Variants in OTUD7A observed in about 807,000 individuals in gnomAD.
OTUD7A encodes OTU domain-containing protein 7A.
In OTUD7A, 12 loss-of-function variants were observed where a neutral mutation model predicts 65.7. That is an observed-to-expected ratio of 0.18 (90% CI 0.12 to 0.30). OTUD7A has a LOEUF of 0.30. Among genes scored for constraint, OTUD7A ranks in the 10% least tolerant of loss-of-function variants. The pLI is 1.00. For synonymous variants in OTUD7A, 641 were observed against 586.3 expected (o/e 1.09, Z -1.35); for missense variants, 1,148 against 1,304.8 (o/e 0.88, Z 1.85).
chr15:31,757,318 G>A (rs1894842746), intron 1 of OTUD7A, among the ~76,000 whole-genome samples: 1 of 150,584 alleles, frequency 6.6e-6, no homozygotes. Flanking sequence ...TTCCTCATAG[G>A]GTTACTGCAG....
chr15:31,749,515 G>A (rs897600346), intron 1 of OTUD7A, among the ~76,000 whole-genome samples: 5 of 152,140 alleles, frequency 3.3e-5, no homozygotes, highest in African/African-American at 9.7e-5. Flanking sequence ...AAGGCTAATG[G>A]CAGTGTTATA....
At chr15:31,679,746 A>G (rs1375985309) in intron 1 of OTUD7A, among the ~76,000 whole-genome samples, 1 of 152,168 alleles carries the variant, frequency 6.6e-6, no homozygotes, top group African/African-American at 2.4e-5. Flanking sequence ...AAATTACCCA[A>G]TCTTGGGCAG....
At chr15:31,559,264 C>T (rs1435831912) in intron 4 of OTUD7A, 77 bp from the exon 5 acceptor site, 13 of 1,340,524 alleles carry the variant, frequency 9.7e-6, no homozygotes, top group African/African-American at 1.4e-5. Context: ...AACACACATA[C>T]TATGCACACA....
At chr15:31,726,332 C>T (rs1440865811) in intron 1 of OTUD7A, among the ~76,000 whole-genome samples, 4 of 57,426 alleles carry the variant, frequency 7.0e-5, no homozygotes, top group Non-Finnish European at 1.5e-4. Context: ...TCTCGAATTA[C>T]ACACACACAC....
At chr15:31,687,120 A>C (rs1045297612) in intron 1 of OTUD7A, among the ~76,000 whole-genome samples, 14 of 142,526 alleles carry the variant, frequency 9.8e-5, no homozygotes, top group Non-Finnish European at 1.9e-4. Flanking sequence ...AAAAAAAAAA[A>C]CCACACATAA....
At chr15:31,749,629 C>T (rs1257142933) in intron 1 of OTUD7A, among the ~76,000 whole-genome samples, 1 of 152,060 alleles carries the variant, frequency 6.6e-6, no homozygotes, top group Non-Finnish European at 1.5e-5. Flanking sequence ...GGAAGCATTC[C>T]CCTTAAAAAC....
At chr15:31,767,921 A>C (rs1269804628) in intron 1 of OTUD7A, 2 of 1,531,546 alleles carry the variant, frequency 1.3e-6, no homozygotes, top group African/African-American at 1.4e-5. Flanking sequence ...GTTATCATCA[A>C]CATTTTCTGA....
intron 3 of OTUD7A, among the ~76,000 whole-genome samples, chr15:31,654,384 A>C (rs1891926551): frequency 6.7e-6 from 1 of 149,970 alleles, no homozygotes; most frequent in African/African-American, 2.5e-5. Flanking sequence ...ATGTACAATA[A>C]TTCTTATTTT....
At chr15:31,865,183 T>C (rs1361801815) in intron 1 of OTUD7A, among the ~76,000 whole-genome samples, 1 of 152,228 alleles carries the variant, frequency 6.6e-6, no homozygotes, top group African/African-American at 2.4e-5. Flanking sequence ...ATTCATACAT[T>C]TTAAAAAGAA....
At chr15:31,797,956 G>C (rs1002275586) in intron 1 of OTUD7A, among the ~76,000 whole-genome samples, 1 of 152,106 alleles carries the variant, frequency 6.6e-6, no homozygotes, top group Admixed American at 6.5e-5. Context: ...CAGCAGGGTT[G>C]ATTTCTCCTG....
At chr15:31,550,538 G>A (rs117442551) in intron 5 of OTUD7A, among the ~76,000 whole-genome samples, 38 of 152,254 alleles carry the variant, frequency 2.5e-4, no homozygotes, top group Admixed American at 1.2e-3. Context: ...TCAGCTGCAA[G>A]GAACTAAATT....
chr15:31,638,926 A>C (rs1236393180), intron 3 of OTUD7A, among the ~76,000 whole-genome samples: 1 of 152,064 alleles, frequency 6.6e-6, no homozygotes, highest in Non-Finnish European at 1.5e-5. Context: ...TGAGGTCAGG[A>C]GATCGAGACC....
intron 1 of OTUD7A, among the ~76,000 whole-genome samples, chr15:31,798,376 C>T (rs904006462): frequency 2.6e-5 from 4 of 152,138 alleles, no homozygotes; most frequent in Non-Finnish European, 5.9e-5. Flanking sequence ...GTGGTGTGCT[C>T]CCGATGCCCC....
intron 1 of OTUD7A, among the ~76,000 whole-genome samples, chr15:31,697,582 A>C: frequency 6.6e-6 from 1 of 151,334 alleles, no homozygotes; most frequent in South Asian, 2.1e-4. Flanking sequence ...TCAGGAGGTG[A>C]AATTGAAAAG....
chr15:31,635,372 G>C (rs1350569647), intron 3 of OTUD7A, among the ~76,000 whole-genome samples: 4 of 152,212 alleles, frequency 2.6e-5, no homozygotes, highest in Non-Finnish European at 2.9e-5. Context: ...GAAACTTGTT[G>C]AAGATTGCAC....
intron 1 of OTUD7A, among the ~76,000 whole-genome samples, chr15:31,726,923 T>G (rs986076990): frequency 2.0e-5 from 3 of 152,244 alleles, no homozygotes; most frequent in Non-Finnish European, 4.4e-5. Flanking sequence ...TGCGGCCTGC[T>G]TCACTATGTC....
intron 1 of OTUD7A, among the ~76,000 whole-genome samples, chr15:31,709,807 TA>T (rs1373393653): frequency 2.6e-5 from 4 of 152,198 alleles, no homozygotes; most frequent in Non-Finnish European, 5.9e-5. Context: ...TATGCAAATA[TA>T]TGTGTATATA....
At chr15:31,582,515 C>A (rs1889402812) in intron 3 of OTUD7A, among the ~76,000 whole-genome samples, 1 of 152,222 alleles carries the variant, frequency 6.6e-6, no homozygotes. Flanking sequence ...CTCACAGTTA[C>A]ACATGCTGGG....
intron 1 of OTUD7A, among the ~76,000 whole-genome samples, chr15:31,831,147 C>CA (rs1567045145): frequency 6.6e-6 from 1 of 152,120 alleles, no homozygotes; most frequent in Non-Finnish European, 1.5e-5. Flanking sequence ...ACACTATACA[C>CA]AAAAATTAGA....
Sources: gnomAD v4.1 joint callset for allele counts (sites outside exome capture counted in the v4.1 genomes callset) on GRCh38, gnomAD v4.1.1 for gene constraint, MANE v1.5 for transcripts, NCBI Gene and HGNC (gene_info 2026-07-23, HGNC 2026-07-21) for gene names.